Variants in DTNB observed in about 807,000 individuals in gnomAD.
DTNB encodes DTN-B.
A neutral mutation model predicts 90.7 loss-of-function variants in DTNB; 63 were observed. The ratio of observed to expected loss-of-function variants is 0.69; its 90% CI spans 0.57 to 0.86. The LOEUF (loss-of-function observed/expected upper bound fraction) is 0.86, where lower values mean the gene tolerates loss of function less well. DTNB is among the 40% of genes least tolerant of loss of function. DTNB has a pLI of 0.00. For missense variants in DTNB, 744 were observed against 807.1 expected (o/e 0.92, Z 0.95); for synonymous variants, 277 against 286.7 (o/e 0.97, Z 0.34).
intron 8 of DTNB, among the ~76,000 whole-genome samples, chr2:25,534,052 G>A (rs1486753157): frequency 6.6e-6 from 1 of 151,448 alleles, no homozygotes; most frequent in African/African-American, 2.4e-5. Flanking sequence ...TCAGAGAGGG[G>A]GATGTGGCAG....
rs1326941284 is a variant in DTNB at position 25,634,225 on chromosome 2, G to A, written c.148+4789C>T. On this transcript the variant is annotated intron_variant, in intron 3 of 20. Transcript: ENST00000406818. ...CTCTGCCCGGCCAGCCGCCCTGTCC[G>A]GGAGGGAGGTGGGGGGGTCAGCCCC... Among the ~76,000 whole-genome samples the A allele has an allele frequency of 3.2e-5, 4 of 123,098 alleles. 1 individual carries two copies. In the East Asian group the frequency reaches 9.0e-4, roughly 28 times the overall value. The allele number at this position is 123,098 out of a possible 152,430, so 80.8% of individuals were successfully genotyped here. A position where few individuals can be genotyped will look rare whatever the true frequency, so the allele number is the denominator to read the frequency against.
At chr2:25,588,515 G>GC (rs2062889154) in intron 6 of DTNB, among the ~76,000 whole-genome samples, 1 of 152,038 alleles carries the variant, frequency 6.6e-6, no homozygotes, top group African/African-American at 2.4e-5. Context: ...ACAGGCGCAC[G>GC]CACCACGCGC....
intron 6 of DTNB, 27 bp from the exon 7 acceptor site, chr2:25,580,853 C>T (rs758029216): frequency 6.3e-7 from 1 of 1,584,198 alleles, no homozygotes; most frequent in South Asian, 1.1e-5. Flanking sequence ...AACAAACATA[C>T]TTTAAGTTTT....
At chr2:25,377,888 A>C (rs2036302006) in intron 20 of DTNB, among the ~76,000 whole-genome samples, 1 of 152,230 alleles carries the variant, frequency 6.6e-6, no homozygotes, top group African/African-American at 2.4e-5. Context: ...GCCCCCGGCC[A>C]GCAGAGCGCA....
At chr2:25,652,450 T>C (rs1176462891) in intron 2 of DTNB, 144 bp downstream of exon 2, 2 of 789,148 alleles carry the variant, frequency 2.5e-6, no homozygotes, top group Non-Finnish European at 3.7e-6. Flanking sequence ...GTCCTTCAAC[T>C]CCATGATTCT....
intron 15 of DTNB, among the ~76,000 whole-genome samples, chr2:25,425,060 G>A (rs2051086320): frequency 6.6e-6 from 1 of 152,216 alleles, no homozygotes; most frequent in South Asian, 2.1e-4. Flanking sequence ...GGCCATGTAT[G>A]TTTAAGTACA....
Position 25,379,282 on chromosome 2 carries a change from G to C in DTNB, c.*29+8C>G. 7.5e-7 allele frequency: 1 copy of C among 1,331,722 alleles called. No homozygotes were observed. The highest frequency in any genetic ancestry group is 9.7e-7 in the Non-Finnish European group (1 of 1,032,528). The allele number at this position is 1,331,722 out of a possible 1,614,324, so 82.5% of individuals were successfully genotyped here. A position where few individuals can be genotyped will look rare whatever the true frequency, so the allele number is the denominator to read the frequency against. Reference sequence around the variant, plus strand: ...GCCGTGGGGAGGCAGAGGACTCTTTGTACTCACCTGAGCTTCCTCTGTGTC... The same window carrying C: ...GCCGTGGGGAGGCAGAGGACTCTTTCTACTCACCTGAGCTTCCTCTGTGTC... On this transcript the variant is annotated splice_region_variant and intron_variant, in intron 20 of 20. Transcript: ENST00000406818.
chr2:25,658,469 C>G (rs1346507940), intron 1 of DTNB, among the ~76,000 whole-genome samples: 3 of 152,104 alleles, frequency 2.0e-5, no homozygotes, highest in Non-Finnish European at 4.4e-5. Context: ...AACCTGCACC[C>G]AAATGTTTAC....
intron 1 of DTNB, among the ~76,000 whole-genome samples, chr2:25,666,733 G>T (rs1235258902): frequency 2.0e-5 from 3 of 152,118 alleles, no homozygotes; most frequent in Non-Finnish European, 4.4e-5. Context: ...TTGCAAGCAG[G>T]ACTGAAGCTC....
At chr2:25,627,284 T>C (rs1183970872) in intron 4 of DTNB, among the ~76,000 whole-genome samples, 2 of 152,028 alleles carry the variant, frequency 1.3e-5, no homozygotes, top group Non-Finnish European at 2.9e-5. Context: ...TGGTGGCGCA[T>C]GTCTGTAATC....
chr2:25,402,213 T>C (rs2043907879), intron 16 of DTNB, among the ~76,000 whole-genome samples: 1 of 152,222 alleles, frequency 6.6e-6, no homozygotes, highest in Admixed American at 6.5e-5. Flanking sequence ...GATGCTGCAC[T>C]GTCTGTCCTG....
intron 9 of DTNB, among the ~76,000 whole-genome samples, chr2:25,523,897 CT>C (rs869167435): frequency 0.023 from 2,671 of 115,846 alleles, 49 homozygotes; most frequent in African/African-American, 0.072. Flanking sequence ...GTCATCTGTA[CT>C]TTTTTTTTTT....
intron 5 of DTNB, among the ~76,000 whole-genome samples, chr2:25,597,773 G>C (rs967538086): frequency 1.3e-5 from 2 of 152,288 alleles, no homozygotes; most frequent in African/African-American, 4.8e-5. Flanking sequence ...CCAAGTGCAA[G>C]CGCTCTGTTA....
At chr2:25,673,059 G>C (rs954800660) in intron 1 of DTNB, 2 of 152,206 alleles carry the variant, frequency 1.3e-5, no homozygotes, top group East Asian at 1.9e-4. Context: ...AGGCGAGCCG[G>C]GCTCGGGCAG....
At chr2:25,515,657 G>A (rs548509126) in intron 9 of DTNB, among the ~76,000 whole-genome samples, 30 of 151,804 alleles carry the variant, frequency 2.0e-4, no homozygotes, top group Non-Finnish European at 4.0e-4. Context: ...GCGCAATCTC[G>A]GCTCACTACA....
chr2:25,436,095 G>C (rs868315837), intron 12 of DTNB, among the ~76,000 whole-genome samples: 1 of 152,176 alleles, frequency 6.6e-6, no homozygotes, highest in East Asian at 1.9e-4. Flanking sequence ...CCAGCACTTC[G>C]GGAAGCCGAG....
At chr2:25,577,576 A>G (rs955691761) in intron 7 of DTNB, among the ~76,000 whole-genome samples, 1 of 152,236 alleles carries the variant, frequency 6.6e-6, no homozygotes, top group Admixed American at 6.5e-5. Flanking sequence ...ATTCTAATCT[A>G]ATCATTCCAA....
At chr2:25,528,193 T>C (rs2077512698) in intron 9 of DTNB, among the ~76,000 whole-genome samples, 1 of 152,212 alleles carries the variant, frequency 6.6e-6, no homozygotes, top group Admixed American at 6.5e-5. Context: ...AACTCTTTGA[T>C]AAAATTCAGC....
At chr2:25,552,670 T>C (rs924118031) in intron 8 of DTNB, among the ~76,000 whole-genome samples, 2 of 152,112 alleles carry the variant, frequency 1.3e-5, no homozygotes, top group African/African-American at 4.8e-5. Context: ...AGGGTTTCCT[T>C]TCCTTCCGCC....
Sources: gnomAD v4.1 joint callset for allele counts (sites outside exome capture counted in the v4.1 genomes callset) on GRCh38, gnomAD v4.1.1 for gene constraint, MANE v1.5 for transcripts, NCBI Gene and HGNC (gene_info 2026-07-23, HGNC 2026-07-21) for gene names.